The following FBXL5 variants were observed in gnomAD, a reference collection of about 807,000 sequenced individuals.
The protein encoded by FBXL5 is F-box/LRR-repeat protein 5.
FBXL5 carries 26 observed loss-of-function variants against 78.3 expected under a neutral mutation model. That is an observed-to-expected ratio of 0.33 (90% CI 0.24 to 0.46). The LOEUF (loss-of-function observed/expected upper bound fraction) is 0.46, where lower values mean the gene tolerates loss of function less well. Among genes scored for constraint, FBXL5 ranks in the 20% least tolerant of loss-of-function variants. The probability of loss-of-function intolerance (pLI) is 1.00; values close to 1 mark genes in which losing one functional copy is unlikely to be tolerated. For synonymous variants in FBXL5, 295 were observed against 282.5 expected, an observed-to-expected ratio of 1.04 and a Z score of -0.45; for missense variants, 710 against 829.2, an observed-to-expected ratio of 0.86 and a Z score of 1.77.
intron 8 of FBXL5, 110 bp downstream of exon 8, chr4:15,626,763 A>C (rs1402367269): frequency 5.3e-5 from 41 of 774,140 alleles, no homozygotes; most frequent in Non-Finnish European, 8.1e-5. Context: ...ATACTCAGAC[A>C]TGACTGAGAT....
rs768191126 is a variant in FBXL5, at chr4:15,612,253, T to TAAA, written c.1999+10_1999+12dup. 7.7e-6 allele frequency: 12 copies of TAAA among 1,565,022 alleles called. No individual in the cohort carries two copies. Among genetic ancestry groups the TAAA allele is most frequent in the Middle Eastern group, 1.7e-4 (1 of 5,960 alleles). On this transcript the variant is annotated intron_variant, in intron 10 of 10. Coordinates refer to ENST00000341285, the MANE Select transcript of FBXL5 (RefSeq NM_012161.4). ...AATTCCTTCAAAATTATCGCACTGT[T>TAAA]AAAAGGCATTACCGTTAATGTTGTC...
intron 9 of FBXL5, among the ~76,000 whole-genome samples, chr4:15,618,593 C>T (rs926422109): frequency 6.6e-6 from 1 of 152,226 alleles, no homozygotes; most frequent in Non-Finnish European, 1.5e-5. Flanking sequence ...GCAATTCCAG[C>T]ACTTTGGGAG....
intron 2 of FBXL5, among the ~76,000 whole-genome samples, chr4:15,642,162 T>G (rs1281785615): frequency 2.6e-5 from 4 of 152,148 alleles, no homozygotes; most frequent in Non-Finnish European, 5.9e-5. Flanking sequence ...ATAAACTTCT[T>G]CCTCATAACC....
upstream of FBXL5, among the ~76,000 whole-genome samples, chr4:15,662,957 G>T (rs1249859504): frequency 6.6e-6 from 1 of 152,278 alleles, no homozygotes; most frequent in East Asian, 1.9e-4. Context: ...AAACAATAGA[G>T]CATATTGACC....
chr4:15,644,372 G>A, intron 2 of FBXL5, 121 bp downstream of exon 2: 1 of 780,054 alleles, frequency 1.3e-6, no homozygotes, highest in Non-Finnish European at 2.0e-6. Flanking sequence ...TCTTTAACAA[G>A]TGACAAAATA....
chr4:15,644,815 T>A, intron 1 of FBXL5, 107 bp from the exon 2 acceptor site: 2 of 700,452 alleles, frequency 2.9e-6, no homozygotes, highest in Non-Finnish European at 2.3e-6. Context: ...CATACTTCCC[T>A]TACACTTGGT....
Position 15,655,184 on chromosome 4 carries a change from G to A in FBXL5, c.84+20C>T. The A allele has an allele frequency of 1.4e-6, 2 of 1,386,314 alleles. No homozygotes were observed. Among genetic ancestry groups the A allele is most frequent in the Non-Finnish European group, 1.9e-6 (2 of 1,043,644 alleles). The allele number at this position is 1,386,314 out of a possible 1,614,324, so 85.9% of individuals were successfully genotyped here. A position where few individuals can be genotyped will look rare whatever the true frequency, so the allele number is the denominator to read the frequency against. Reference sequence around the variant, plus strand: ...TCGCCGCCCGCACCGCCCACAGCGGGAGGCTCAGCGCTCCGTTACCTTGTC... The same window carrying A: ...TCGCCGCCCGCACCGCCCACAGCGGAAGGCTCAGCGCTCCGTTACCTTGTC... On this transcript the variant is annotated intron_variant, in intron 1 of 10. Transcript: ENST00000341285.
intron 9 of FBXL5, among the ~76,000 whole-genome samples, 174 bp from the exon 10 acceptor site, chr4:15,612,588 T>G (rs1025849935): frequency 9.9e-5 from 15 of 152,134 alleles, no homozygotes; most frequent in African/African-American, 3.6e-4. Flanking sequence ...TACATTTAAC[T>G]CAGAAAATGT....
At chr4:15,667,246 T>G (rs969448395) in intron 1 of FBXL5, among the ~76,000 whole-genome samples, 12 of 152,206 alleles carry the variant, frequency 7.9e-5, no homozygotes, top group African/African-American at 2.7e-4. Flanking sequence ...TTAACCTTGA[T>G]GGCAGTCCAT....
rs2148503134 is a variant in FBXL5 at position 15,605,275 on chromosome 4, A to G, written c.*448T>C. On this transcript the variant is annotated 3_prime_UTR_variant, in exon 11 of 11. Coordinates refer to ENST00000341285, the MANE Select transcript of FBXL5 (RefSeq NM_012161.4). ...TTGAAATAAAGGAAATATTACGGAA[A>G]AGAGATTAGTTTCCAAAAATGTGCT... 1 of 153,120 alleles carries G rather than the reference A, an allele frequency of 6.5e-6. No individual in the cohort carries two copies. Among genetic ancestry groups the G allele is most frequent in the East Asian group, 1.9e-4 (1 of 5,194 alleles). 9.5% of individuals were successfully genotyped at this position (153,120 alleles called of 1,614,324 possible). A position where few individuals can be genotyped will look rare whatever the true frequency, so the allele number is the denominator to read the frequency against.
intron 2 of FBXL5, among the ~76,000 whole-genome samples, chr4:15,642,715 T>C (rs1170516651): frequency 6.6e-6 from 1 of 152,224 alleles, no homozygotes; most frequent in East Asian, 1.9e-4. Flanking sequence ...TATATGCTAA[T>C]AATAACTATC....
intron 1 of FBXL5, among the ~76,000 whole-genome samples, chr4:15,678,486 A>G (rs1175578516): frequency 6.6e-6 from 1 of 152,218 alleles, no homozygotes; most frequent in African/African-American, 2.4e-5. Flanking sequence ...GTTACAATTC[A>G]TGCAAACGAA....
chr4:15,609,843 A>T (rs1722125898), intron 10 of FBXL5, among the ~76,000 whole-genome samples: 1 of 152,028 alleles, frequency 6.6e-6, no homozygotes, highest in South Asian at 2.1e-4. Context: ...TATGATAACT[A>T]ACTTATTATC....
intron 9 of FBXL5, among the ~76,000 whole-genome samples, chr4:15,615,346 T>C (rs933513763): frequency 6.6e-6 from 1 of 151,890 alleles, no homozygotes; most frequent in Non-Finnish European, 1.5e-5. Flanking sequence ...AACCCCGGTG[T>C]GGGATCCACT....
In FBXL5 at chr4:15,636,588, C is replaced by T. The variant is rs1714300467; in HGVS notation, c.672G>A (p.Glu224=). ...LSIFSYLNPQ[E]LCRCSQVSMK... ...TGCTTACTTGACTGCATCGACATAACTCTTGAGGATTAAGATAGCTGAAAA... is the reference window on the plus strand; with the variant it reads ...TGCTTACTTGACTGCATCGACATAATTCTTGAGGATTAAGATAGCTGAAAA... The change falls in exon 5 of 11, where the codon GAG becomes GAA. Residue 224 remains glutamate, a synonymous_variant. Transcript: ENST00000341285. 6 of 1,614,026 alleles carry T rather than the reference C, an allele frequency of 3.7e-6. No homozygotes were observed. In the African/African-American group the frequency reaches 6.7e-5, roughly 18 times the overall value.
In FBXL5 at chr4:15,636,532, G is replaced by A. The variant is rs780034015; in HGVS notation, c.728C>T (p.Ser243Leu). The A allele has an allele frequency of 2.5e-5, 40 of 1,613,194 alleles. No homozygotes were observed. The East Asian group carries it at 7.6e-4, about 31-fold the overall frequency. ...MKWSQLTKTG[S>L]LWKHLYPVHW... ...AACAGGGTAAAGATGTTTCCAAAGC[G>A]ATCCCGTTTTTGTCAGCTGAGACCA... Residue 243 changes from serine to leucine, a missense_variant, in exon 5 of 11, where the codon TCG (serine) becomes TTG (leucine). Coordinates refer to ENST00000341285, the MANE Select transcript of FBXL5 (RefSeq NM_012161.4).
intron 5 of FBXL5, among the ~76,000 whole-genome samples, chr4:15,634,008 A>C (rs1396876561): frequency 6.6e-6 from 1 of 152,134 alleles, no homozygotes; most frequent in Non-Finnish European, 1.5e-5. Flanking sequence ...TGTGGATTAT[A>C]GGGTGCTTAG....
At chr4:15,650,131 G>A (rs1715809831) in intron 1 of FBXL5, among the ~76,000 whole-genome samples, 2 of 152,180 alleles carry the variant, frequency 1.3e-5, no homozygotes, top group South Asian at 4.1e-4. Flanking sequence ...CACCGGAAAT[G>A]TACTACTGAC....
chr4:15,617,925 G>A (rs565187597), intron 9 of FBXL5, among the ~76,000 whole-genome samples: 3 of 152,102 alleles, frequency 2.0e-5, no homozygotes, highest in South Asian at 2.1e-4. Context: ...GTTTACCTAC[G>A]TAACAAACCT....
Sources: allele counts gnomAD v4.1 joint callset (sites outside exome capture counted in the v4.1 genomes callset), GRCh38; gene constraint gnomAD v4.1.1; transcripts MANE v1.5; gene names NCBI Gene and HGNC (gene_info 2026-07-23, HGNC 2026-07-21).